RCAN2: variants seen among roughly 807,000 people sequenced by gnomAD.
RCAN2 encodes the protein regulator of calcineurin 2.
In RCAN2, 9 loss-of-function variants were observed where a neutral mutation model predicts 23.6. That is an observed-to-expected ratio of 0.38 (90% CI 0.23 to 0.67). The LOEUF (loss-of-function observed/expected upper bound fraction) is 0.67, where lower values mean the gene tolerates loss of function less well. RCAN2 is among the 30% of genes least tolerant of loss of function. The pLI, the probability that RCAN2 is intolerant of heterozygous loss-of-function variation, is 0.51. For missense variants in RCAN2, 273 were observed against 302.3 expected (o/e 0.90, Z 0.72); for synonymous variants, 109 against 115.7 (o/e 0.94, Z 0.37).
chr6:46,298,765 C>A (rs991477130), intron 2 of RCAN2, among the ~76,000 whole-genome samples: 1 of 152,018 alleles, frequency 6.6e-6, no homozygotes, highest in Non-Finnish European at 1.5e-5. Flanking sequence ...TGGGTATAAA[C>A]CAAAGGAAAA....
intron 2 of RCAN2, among the ~76,000 whole-genome samples, chr6:46,455,944 G>C (rs1192457200): frequency 6.6e-6 from 1 of 151,054 alleles, no homozygotes; most frequent in Non-Finnish European, 1.5e-5. Context: ...TGTTTCAGTA[G>C]TATAATAGTG....
At position 46,245,991 on chromosome 6, in the gene RCAN2, T is replaced by C. The variant is rs76902139; in HGVS notation, c.571+757A>G. ...TGGGGCGCAAGGTGTCATCATCTGC[T>C]GAAATTGAGGGCAGTATCCCTTCTA... On this transcript the variant is annotated intron_variant, in intron 4 of 4. Transcript: ENST00000371374. Among the ~76,000 whole-genome samples, 92 of 152,326 alleles carry C rather than the reference T, an allele frequency of 6.0e-4. No homozygotes were observed. In the East Asian group the frequency reaches 0.018, roughly 29 times the overall value.
At chr6:46,466,796 G>C (rs117505209) in intron 1 of RCAN2, among the ~76,000 whole-genome samples, 1 of 152,268 alleles carries the variant, frequency 6.6e-6, no homozygotes, top group East Asian at 1.9e-4. Context: ...TTCCAGCTCA[G>C]TCCATAACAA....
chr6:46,364,934 A>G (rs984660586), intron 2 of RCAN2, among the ~76,000 whole-genome samples: 1 of 151,944 alleles, frequency 6.6e-6, no homozygotes, highest in Non-Finnish European at 1.5e-5. Context: ...TGTTCCCTCT[A>G]CCTGGAATGC....
intron 2 of RCAN2, among the ~76,000 whole-genome samples, chr6:46,382,914 G>T (rs1460193724): frequency 6.6e-6 from 1 of 152,162 alleles, no homozygotes; most frequent in African/African-American, 2.4e-5. Flanking sequence ...TACAGGCACA[G>T]AAATGGAAGA....
intron 2 of RCAN2, among the ~76,000 whole-genome samples, chr6:46,249,321 T>C (rs897864569): frequency 2.1e-4 from 30 of 144,548 alleles, no homozygotes; most frequent in Admixed American, 6.8e-4. Flanking sequence ...TTCTTTCTTT[T>C]TTTTTTTTTT....
At chr6:46,233,371 A>AT (rs1040467085) in intron 4 of RCAN2, among the ~76,000 whole-genome samples, 2 of 151,916 alleles carry the variant, frequency 1.3e-5, no homozygotes, top group African/African-American at 4.8e-5. Context: ...TATGTATAGA[A>AT]TTTTTTTTTA....
At chr6:46,238,397 A>ATT (rs199747815) in intron 4 of RCAN2, among the ~76,000 whole-genome samples, 2 of 151,490 alleles carry the variant, frequency 1.3e-5, no homozygotes, top group African/African-American at 4.9e-5. Flanking sequence ...CTGGAAATGG[A>ATT]TTTTTTTTTG....
At chr6:46,391,388 G>C (rs1248788266) in intron 2 of RCAN2, among the ~76,000 whole-genome samples, 1 of 152,132 alleles carries the variant, frequency 6.6e-6, no homozygotes, top group Non-Finnish European at 1.5e-5. Flanking sequence ...AGGCAGGGGG[G>C]CAGGGCTAAA....
chr6:46,449,687 A>C (rs567028664), intron 2 of RCAN2, among the ~76,000 whole-genome samples: 1 of 151,888 alleles, frequency 6.6e-6, no homozygotes, highest in African/African-American at 2.4e-5. Flanking sequence ...CAGTCAATTG[A>C]TTTTCCACAA....
intron 1 of RCAN2, among the ~76,000 whole-genome samples, chr6:46,479,527 G>A (rs1768798549): frequency 6.6e-6 from 1 of 150,560 alleles, no homozygotes; most frequent in Admixed American, 6.6e-5. Context: ...CTCAACACAG[G>A]TGTCTTGGGA....
chr6:46,356,487 A>G (rs1378896275), intron 2 of RCAN2, among the ~76,000 whole-genome samples: 3 of 152,140 alleles, frequency 2.0e-5, no homozygotes, highest in Non-Finnish European at 4.4e-5. Flanking sequence ...AAATGATTCT[A>G]ATGTGCATCC....
At chr6:46,417,955 G>T (rs1320983580) in intron 2 of RCAN2, among the ~76,000 whole-genome samples, 5 of 152,178 alleles carry the variant, frequency 3.3e-5, no homozygotes, top group African/African-American at 1.2e-4. Flanking sequence ...ACTGTGATAA[G>T]AGTCACACAG....
In RCAN2 at chr6:46,252,370, C is replaced by A. The variant is rs528965354; in HGVS notation, c.226-3474G>T. Among the ~76,000 whole-genome samples the A allele has an allele frequency of 7.2e-5, 11 of 152,340 alleles. No individual in the cohort carries two copies. In the East Asian group the frequency reaches 1.4e-3, roughly 19 times the overall value. Reference sequence around the variant, plus strand: ...ATTTTTCTCCAGTTGTGTTGCCCAACAAATCCAATAAATTATTAATTTCTC... The same window carrying A: ...ATTTTTCTCCAGTTGTGTTGCCCAAAAAATCCAATAAATTATTAATTTCTC... On this transcript the variant is annotated intron_variant, in intron 2 of 4. Coordinates refer to ENST00000371374, the MANE Select transcript of RCAN2 (RefSeq NM_001251974.2).
intron 2 of RCAN2, 144 bp downstream of exon 2, chr6:46,456,608 T>C (rs920725139): frequency 4.8e-6 from 3 of 630,640 alleles, no homozygotes; most frequent in African/African-American, 3.7e-5. Flanking sequence ...GAATGGGATT[T>C]TCTTATCCTG....
intron 2 of RCAN2, among the ~76,000 whole-genome samples, chr6:46,399,717 T>G (rs1304206285): frequency 6.6e-6 from 1 of 151,972 alleles, no homozygotes; most frequent in Non-Finnish European, 1.5e-5. Context: ...CTTCATTTTT[T>G]TCACACCACC....
intron 1 of RCAN2, among the ~76,000 whole-genome samples, chr6:46,483,359 G>A (rs1768915554): frequency 6.6e-6 from 1 of 152,100 alleles, no homozygotes; most frequent in African/African-American, 2.4e-5. Flanking sequence ...ACACGTAGGG[G>A]CTATGATAGC....
chr6:46,272,164 C>A (rs1443649823), intron 2 of RCAN2, among the ~76,000 whole-genome samples: 2 of 152,188 alleles, frequency 1.3e-5, no homozygotes, highest in Non-Finnish European at 2.9e-5. Context: ...CAAATGCTTG[C>A]ACAGTTCTGT....
chr6:46,441,461 A>G (rs1362430598), intron 2 of RCAN2, among the ~76,000 whole-genome samples: 1 of 152,220 alleles, frequency 6.6e-6, no homozygotes, highest in Non-Finnish European at 1.5e-5. Flanking sequence ...TGTAAAGACT[A>G]GACCATCATA....
Sources: allele counts gnomAD v4.1 joint callset (sites outside exome capture counted in the v4.1 genomes callset), GRCh38; gene constraint gnomAD v4.1.1; transcripts MANE v1.5; gene names NCBI Gene and HGNC (gene_info 2026-07-23, HGNC 2026-07-21).